The following MORN3 variants were observed in gnomAD, a reference collection of about 807,000 sequenced individuals.
MORN3 encodes the protein MORN repeat-containing protein 3.
In MORN3, 38 loss-of-function variants were observed where a neutral mutation model predicts 34.7. That is an observed-to-expected ratio of 1.10 (90% CI 0.85 to 1.44). The LOEUF (loss-of-function observed/expected upper bound fraction) is 1.44. Ranked by LOEUF, MORN3 falls within the 40% of genes most tolerant of loss-of-function variation. The pLI, the probability that MORN3 is intolerant of heterozygous loss-of-function variation, is 0.00. For synonymous variants in MORN3, 109 were observed against 115.3 expected (o/e 0.95, Z 0.35); for missense variants, 311 against 321.7 (o/e 0.97, Z 0.25).
intron 2 of MORN3, among the ~76,000 whole-genome samples, chr12:121,654,932 C>CAGA (rs1893372443): frequency 1.3e-5 from 2 of 152,174 alleles, no homozygotes; most frequent in South Asian, 4.2e-4. Flanking sequence ...TGCTCTGTTT[C>CAGA]TCTCTGTCCC....
intron 1 of MORN3, among the ~76,000 whole-genome samples, chr12:121,665,278 CTTTTTTTTTTTTT>C (rs767525874): frequency 1.4e-4 from 7 of 50,634 alleles, no homozygotes; most frequent in Admixed American, 7.3e-4. Context: ...TTTTTCTTTC[CTTTTTTTTTTTTT>C]TTTTTTTTTT....
chr12:121,671,580 T>C (rs527660631), upstream of MORN3, among the ~76,000 whole-genome samples: 14 of 151,588 alleles, frequency 9.2e-5, no homozygotes, highest in South Asian at 2.9e-3. Flanking sequence ...AAGGTCTCTG[T>C]TAAAAATAGG....
chr12:121,668,323 A>G (rs1432309334), intron 1 of MORN3, among the ~76,000 whole-genome samples: 3 of 151,592 alleles, frequency 2.0e-5, no homozygotes. Flanking sequence ...CGGGCGGATC[A>G]CTCGAGGTCG....
chr12:121,669,568 C>A lies in MORN3; in HGVS notation c.-85G>T, dbSNP rs1217819464. On this transcript the variant is annotated 5_prime_UTR_variant, in exon 1 of 6. Transcript: ENST00000355329. ...AGCGCGCCCCGTGTAATGCCGGGAT[C>A]CTGAGCTCAAGTGGGGAGAGTCATG... The A allele has an allele frequency of 8.9e-6, 14 of 1,566,428 alleles. No individual in the cohort carries two copies. The highest frequency in any genetic ancestry group is 1.2e-5 in the Non-Finnish European group (14 of 1,149,820).
At chr12:121,668,164 C>T (rs1250533153) in intron 1 of MORN3, among the ~76,000 whole-genome samples, 1 of 151,962 alleles carries the variant, frequency 6.6e-6, no homozygotes, top group African/African-American at 2.4e-5. Context: ...GCCACCACAC[C>T]CAGCCTGGAA....
In MORN3 at chr12:121,649,964, T is replaced by C. The variant is rs1300069021; in HGVS notation, c.*1687A>G. The C allele has an allele frequency of 7.2e-5, 11 of 151,844 alleles. No individual in the cohort carries two copies. The highest frequency in any genetic ancestry group is 2.4e-4 in the African/African-American group (10 of 41,396). 9.4% of individuals were successfully genotyped at this position (151,844 alleles called of 1,614,324 possible). ...CCAGTAGCCTTCTTCCTGCCTGTTG[T>C]GACATCAAAAATGTCATACATTGCC... On this transcript the variant is annotated 3_prime_UTR_variant, in exon 6 of 6. Transcript: ENST00000355329.
At chr12:121,671,880 CA>C (rs35496122), upstream of MORN3, among the ~76,000 whole-genome samples, 72,671 of 132,448 alleles carry the variant, frequency 0.55, 18,946 homozygotes, top group African/African-American at 0.72. Context: ...AACTCCGTCT[CA>C]AAAAAAAAAA....
At chr12:121,671,276 G>A (rs567663402), upstream of MORN3, among the ~76,000 whole-genome samples, 25 of 150,490 alleles carry the variant, frequency 1.7e-4, no homozygotes, top group Non-Finnish European at 2.8e-4. Flanking sequence ...GCGTGGTGGC[G>A]GGCGCCTGTA....
intron 2 of MORN3, among the ~76,000 whole-genome samples, chr12:121,658,972 C>T (rs925895245): frequency 1.3e-5 from 2 of 152,134 alleles, no homozygotes; most frequent in African/African-American, 2.4e-5. Context: ...GGGCTCCTCC[C>T]TGGCCTTCTG....
chr12:121,650,550 A>AAG lies in MORN3; in HGVS notation c.*1100_*1101insCT, dbSNP rs1893229459. ...AAAAAAAAAAAAAAAAAAAAAAAAA[A>AAG]GGCCAGGCTCGATGGCTCACACCTG... On this transcript the variant is annotated 3_prime_UTR_variant, in exon 6 of 6. Coordinates refer to ENST00000355329, the MANE Select transcript of MORN3 (RefSeq NM_173855.5). 1 of 119,434 alleles carries AAG rather than the reference A, an allele frequency of 8.4e-6. No individual in the cohort carries two copies. The highest frequency in any genetic ancestry group is 1.7e-5 in the Non-Finnish European group (1 of 58,960). The allele number at this position is 119,434 out of a possible 1,614,324, so 7.4% of individuals were successfully genotyped here.
Position 121,654,338 on chromosome 12 carries a change from G to T in MORN3, c.399C>A (p.Asn133Lys). 2 of 1,602,966 alleles carry T rather than the reference G, an allele frequency of 1.2e-6. No homozygotes were observed. Among genetic ancestry groups the T allele is most frequent in the East Asian group, 2.2e-5 (1 of 44,534 alleles). Residue 133 changes from asparagine to lysine, a missense_variant, in exon 3 of 6, where the codon AAC becomes AAA. By Grantham distance (94) the Asn-to-Lys change is moderately conservative. Transcript: ENST00000355329. ...CCCACTGTCCCTCGTAGATGTCGCC[G>T]TTGCTGTAATACATGCGGCCCCACC... is the stretch of plus-strand genomic sequence containing the variant. ...RSGWGRMYYSNGDIYEGQWEN... is the reference protein window; with the variant it reads ...RSGWGRMYYSKGDIYEGQWEN...
At chr12:121,662,078 A>T (rs1893601156) in intron 1 of MORN3, among the ~76,000 whole-genome samples, 1 of 152,108 alleles carries the variant, frequency 6.6e-6, no homozygotes, top group Non-Finnish European at 1.5e-5. Context: ...TCATAGAAAC[A>T]GTAAAATAGC....
At chr12:121,655,673 T>C (rs1211167715) in intron 2 of MORN3, among the ~76,000 whole-genome samples, 1 of 151,096 alleles carries the variant, frequency 6.6e-6, no homozygotes, top group Admixed American at 6.6e-5. Flanking sequence ...ATCGTGCCAT[T>C]GCACTCCCAC....
chr12:121,653,204 C>T lies in MORN3; in HGVS notation c.519G>A (p.Gly173=), dbSNP rs1555325290. The part of the protein sequence containing the change: ...CWERGMKNGA[G]RFFHLDHGQL... ...GGCCGTGGTCCAGATGGAAGAAACG[C>T]CCCGCCCCGTTCTTCATGCCTCTCT... The change falls in exon 4 of 6, where the codon GGG becomes GGA. Residue 173 remains glycine (G), a synonymous_variant. Coordinates refer to ENST00000355329, the MANE Select transcript of MORN3 (RefSeq NM_173855.5). 2 of 1,614,084 alleles carry T rather than the reference C, an allele frequency of 1.2e-6. No homozygotes were observed. The highest frequency in any genetic ancestry group is 2.2e-5 in the East Asian group (1 of 44,898).
At chr12:121,668,106 G>C (rs1295424002) in intron 1 of MORN3, among the ~76,000 whole-genome samples, 1 of 150,612 alleles carries the variant, frequency 6.6e-6, no homozygotes, top group East Asian at 2.0e-4. Context: ...CTGACCTCAG[G>C]TGATCTGCCT....
intron 3 of MORN3, among the ~76,000 whole-genome samples, chr12:121,653,848 G>A (rs1485005300): frequency 1.3e-5 from 2 of 151,904 alleles, no homozygotes; most frequent in Non-Finnish European, 2.9e-5. Flanking sequence ...AACATAAGTT[G>A]GCCATTTTGA....
intron 3 of MORN3, 57 bp downstream of exon 3, chr12:121,654,217 A>C: frequency 7.3e-7 from 1 of 1,364,944 alleles, no homozygotes; most frequent in Non-Finnish European, 9.7e-7. Context: ...GGGCGTGGCC[A>C]GCTCGCTGCC....
intron 3 of MORN3, 131 bp from the exon 4 acceptor site, chr12:121,653,390 G>T (rs1366860180): frequency 1.0e-6 from 1 of 954,994 alleles, no homozygotes; most frequent in Non-Finnish European, 1.5e-6. Flanking sequence ...CATAAGCCCA[G>T]GAGATCAAGA....
upstream of MORN3, among the ~76,000 whole-genome samples, chr12:121,670,999 T>A (rs536995003): frequency 6.7e-6 from 1 of 149,772 alleles, no homozygotes; most frequent in South Asian, 2.1e-4. Context: ...TAATCCCAGC[T>A]ACTCGGGAGG....
Sources: gnomAD v4.1 joint callset for allele counts (sites outside exome capture counted in the v4.1 genomes callset) on GRCh38, gnomAD v4.1.1 for gene constraint, MANE v1.5 for transcripts, NCBI Gene and HGNC (gene_info 2026-07-23, HGNC 2026-07-21) for gene names.